IGSF21: variants seen among roughly 807,000 people sequenced by gnomAD.
The protein encoded by IGSF21 is immunoglobin superfamily member 21, also known as immunoglobulin superfamily member 21.
A neutral mutation model predicts 46.8 loss-of-function variants in IGSF21; 28 were observed. That is an observed-to-expected ratio of 0.60 (90% confidence interval 0.44 to 0.82). IGSF21 has a LOEUF of 0.82. IGSF21 is among the 40% of genes least tolerant of loss of function. The pLI, the probability that IGSF21 is intolerant of heterozygous loss-of-function variation, is 0.00. For synonymous variants in IGSF21, 284 were observed against 273.6 expected (o/e 1.04, Z -0.38); for missense variants, 624 against 665.5 (o/e 0.94, Z 0.69).
intron 1 of IGSF21, among the ~76,000 whole-genome samples, chr1:18,222,365 G>A (rs2084518831): frequency 6.6e-6 from 1 of 152,186 alleles, no homozygotes; most frequent in South Asian, 2.1e-4. Flanking sequence ...GCTTCCAGAT[G>A]CCAGTCTCTG....
chr1:18,296,531 T>G (rs114410747), intron 3 of IGSF21, among the ~76,000 whole-genome samples: 5 of 152,126 alleles, frequency 3.3e-5, no homozygotes, highest in African/African-American at 1.2e-4. Context: ...CCCTTGGAAG[T>G]GAAGATGCTG....
At chr1:18,263,387 C>T (rs1166131962) in intron 2 of IGSF21, among the ~76,000 whole-genome samples, 4 of 151,468 alleles carry the variant, frequency 2.6e-5, no homozygotes, top group African/African-American at 9.7e-5. Context: ...CCCACCCCCA[C>T]CTCTACTAGG....
At chr1:18,226,667 G>GTTTTT (rs1163177864) in intron 1 of IGSF21, among the ~76,000 whole-genome samples, 1 of 152,178 alleles carries the variant, frequency 6.6e-6, no homozygotes, top group Non-Finnish European at 1.5e-5. Flanking sequence ...GTTTTGTTTT[G>GTTTTT]TTTTTTGTTT....
At chr1:18,167,933 TCTCC>T (rs370701733) in intron 1 of IGSF21, among the ~76,000 whole-genome samples, 28 of 152,184 alleles carry the variant, frequency 1.8e-4, no homozygotes, top group African/African-American at 6.7e-4. Context: ...TCCTCATTCT[TCTCC>T]CTGCTCCACG....
rs565042365 is a variant in IGSF21 at position 18,322,965 on chromosome 1, GT to G, written c.306-11925del. The stretch of plus-strand genomic sequence containing the variant: ...ATGGAGGGTGGGAATGGGGAAGCGG[GT>G]TCAGGGCCCAAGGTGAACAGCAGTG... On this transcript the variant is annotated intron_variant, in intron 3 of 9. Transcript: ENST00000251296. The surrounding 1 kb of genome is among the most constrained non-coding windows in gnomAD (Gnocchi z 4.3). Among the ~76,000 whole-genome samples, 40 of 152,288 alleles carry G rather than the reference GT, an allele frequency of 2.6e-4. No individual in the cohort carries two copies. The South Asian group carries it at 8.3e-3, about 32-fold the overall frequency.
intron 1 of IGSF21, among the ~76,000 whole-genome samples, chr1:18,141,845 G>A (rs112621579): frequency 4.6e-5 from 7 of 152,062 alleles, no homozygotes; most frequent in Non-Finnish European, 8.8e-5. Context: ...AAGGCGAGCC[G>A]ATTGCTTGAG....
intron 1 of IGSF21, among the ~76,000 whole-genome samples, chr1:18,218,802 C>A (rs1252903026): frequency 2.6e-5 from 4 of 152,118 alleles, no homozygotes; most frequent in Admixed American, 6.5e-5. Context: ...GATTTTGAGG[C>A]AGCTATGAAA....
intron 1 of IGSF21, among the ~76,000 whole-genome samples, chr1:18,207,416 C>T (rs2084339725): frequency 6.6e-6 from 1 of 152,144 alleles, no homozygotes; most frequent in African/African-American, 2.4e-5. Context: ...GGAAGGGGAT[C>T]GTTTTTAGAA....
intron 1 of IGSF21, among the ~76,000 whole-genome samples, chr1:18,165,082 G>C (rs965815023): frequency 6.6e-6 from 1 of 151,894 alleles, no homozygotes; most frequent in Non-Finnish European, 1.5e-5. Context: ...TTTTGTGGCT[G>C]CGTGGTATTT....
chr1:18,344,682 G>A (rs969560667), intron 4 of IGSF21, among the ~76,000 whole-genome samples: 2 of 152,160 alleles, frequency 1.3e-5, no homozygotes, highest in African/African-American at 4.8e-5. Flanking sequence ...CCAAGGGGCA[G>A]GGTAGGTCAG....
chr1:18,174,316 C>T (rs185667910), intron 1 of IGSF21, among the ~76,000 whole-genome samples: 1 of 152,300 alleles, frequency 6.6e-6, no homozygotes, highest in African/African-American at 2.4e-5. Flanking sequence ...ATCCGAGCAG[C>T]CCGTGTCTAA....
chr1:18,173,678 TA>T (rs1248408887), intron 1 of IGSF21, among the ~76,000 whole-genome samples: 4 of 152,248 alleles, frequency 2.6e-5, no homozygotes, highest in Non-Finnish European at 5.9e-5. Flanking sequence ...TGCTGTGTAG[TA>T]TTCTGTTATG....
intron 2 of IGSF21, among the ~76,000 whole-genome samples, chr1:18,289,755 C>T (rs1468215461): frequency 6.6e-6 from 1 of 152,158 alleles, no homozygotes; most frequent in Non-Finnish European, 1.5e-5. Context: ...CAAACCGCAC[C>T]TCTCCTCCCC....
intron 3 of IGSF21, among the ~76,000 whole-genome samples, chr1:18,300,555 C>A (rs1390547103): frequency 6.6e-6 from 1 of 152,206 alleles, no homozygotes; most frequent in East Asian, 1.9e-4. Flanking sequence ...AGCCCTGGAG[C>A]TTGAGCTGCC....
chr1:18,366,721 G>T (rs1187890322), intron 6 of IGSF21, among the ~76,000 whole-genome samples: 1 of 152,116 alleles, frequency 6.6e-6, no homozygotes, highest in Non-Finnish European at 1.5e-5. Flanking sequence ...TATGTGGGAG[G>T]CAGGCAAAGA....
chr1:18,264,663 G>A (rs933211036), intron 2 of IGSF21, among the ~76,000 whole-genome samples: 3 of 152,198 alleles, frequency 2.0e-5, no homozygotes, highest in Non-Finnish European at 4.4e-5. Context: ...CAGGAGCTAT[G>A]TCTGCCCCCA....
At chr1:18,138,638 G>A (rs2086387822) in intron 1 of IGSF21, among the ~76,000 whole-genome samples, 1 of 152,170 alleles carries the variant, frequency 6.6e-6, no homozygotes, top group African/African-American at 2.4e-5. Flanking sequence ...CTGGCAAGGG[G>A]CGAGGAAGCT....
In IGSF21 at chr1:18,108,114, C is replaced by T; in HGVS notation, c.-15C>T. 1.5e-6 allele frequency: 2 copies of T among 1,311,326 alleles called. No homozygotes were observed. The highest frequency in any genetic ancestry group is 2.0e-6 in the Non-Finnish European group (2 of 998,020). 81.2% of individuals were successfully genotyped at this position (1,311,326 alleles called of 1,614,324 possible). Reference sequence around the variant, plus strand: ...ACCCCCGCCGCCCCGCCACCGCCGCCAGCTCCCGGGCACCATGCGAACCGC... The same window carrying T: ...ACCCCCGCCGCCCCGCCACCGCCGCTAGCTCCCGGGCACCATGCGAACCGC... On this transcript the variant is annotated 5_prime_UTR_variant, in exon 1 of 10. Coordinates refer to ENST00000251296, the MANE Select transcript of IGSF21 (RefSeq NM_032880.5).
chr1:18,329,885 C>G (rs1053008988), intron 3 of IGSF21, among the ~76,000 whole-genome samples: 3 of 152,224 alleles, frequency 2.0e-5, no homozygotes, highest in African/African-American at 7.2e-5. Context: ...CTAGTGAAGG[C>G]ATGCAGGTCA....
Sources: gnomAD v4.1 joint callset for allele counts (sites outside exome capture counted in the v4.1 genomes callset) on GRCh38, gnomAD v4.1.1 for gene constraint, Gnocchi (gnomAD v3.1) non-coding constraint, MANE v1.5 for transcripts, NCBI Gene and HGNC (gene_info 2026-07-23, HGNC 2026-07-21) for gene names.